Variants in NDFIP2 observed in about 807,000 individuals in gnomAD.
The protein encoded by NDFIP2 is NEDD4 family-interacting protein 2.
NDFIP2 carries 19 observed loss-of-function variants against 36.0 expected under a neutral mutation model. The observed-to-expected ratio is 0.53, with a 90% CI of 0.37 to 0.77. The LOEUF (loss-of-function observed/expected upper bound fraction) is 0.77, where lower values mean the gene tolerates loss of function less well. Ranked by LOEUF, NDFIP2 falls within the 30% of genes least tolerant of loss-of-function variation. NDFIP2 has a pLI of 0.00. For synonymous variants in NDFIP2, 181 were observed against 167.7 expected, an observed-to-expected ratio of 1.08 and a Z score of -0.61; for missense variants, 446 against 435.8, an observed-to-expected ratio of 1.02 and a Z score of -0.21.
intron 1 of NDFIP2, among the ~76,000 whole-genome samples, chr13:79,513,619 C>T (rs1441754037): frequency 1.3e-5 from 2 of 151,996 alleles, no homozygotes; most frequent in African/African-American, 4.8e-5. Flanking sequence ...GAGCAGCGTC[C>T]TGGAAGATAG....
rs767268993 is a variant in NDFIP2 at position 79,481,471 on chromosome 13, C to A, written c.268C>A (p.Pro90Thr). 7 of 1,562,922 alleles carry A rather than the reference C, an allele frequency of 4.5e-6. 1 individual carries two copies. In the South Asian group the frequency reaches 7.1e-5, roughly 16 times the overall value. The change falls in exon 1 of 8, where the codon CCC becomes ACC. Residue 90 changes from proline to threonine, a missense_variant. Pro to Thr is a conservative substitution (Grantham distance 38, BLOSUM62 -1). Coordinates refer to ENST00000218652, the MANE Select transcript of NDFIP2 (RefSeq NM_019080.3). ...AGACTCCCTCTCTCGGAAGCCGGAT[C>A]CCGAGCCGGGCAGGATGGATCACCA... ...GEDSLSRKPD[P>T]EPGRMDHHQP...
At chr13:79,498,854 A>G (rs572007855) in intron 1 of NDFIP2, among the ~76,000 whole-genome samples, 3 of 152,030 alleles carry the variant, frequency 2.0e-5, no homozygotes, top group African/African-American at 7.2e-5. Context: ...ATTTAAGGAA[A>G]AAATTATTTC....
At chr13:79,542,603 A>G (rs1875501600) in intron 4 of NDFIP2, among the ~76,000 whole-genome samples, 2 of 150,224 alleles carry the variant, frequency 1.3e-5, no homozygotes, top group Non-Finnish European at 2.9e-5. Context: ...AAGCATCTTT[A>G]TTCAGTTTAT....
chr13:79,528,826 T>C (rs1381114513), intron 2 of NDFIP2, among the ~76,000 whole-genome samples: 1 of 152,210 alleles, frequency 6.6e-6, no homozygotes, highest in Non-Finnish European at 1.5e-5. Flanking sequence ...TCTAGGTTTA[T>C]ATAAGTACAC....
chr13:79,534,761 T>C (rs1004710454), intron 3 of NDFIP2, among the ~76,000 whole-genome samples: 1 of 152,146 alleles, frequency 6.6e-6, no homozygotes, highest in Admixed American at 6.6e-5. Flanking sequence ...TGCTTCCATG[T>C]ATGGCATTCT....
At chr13:79,547,158 A>G (rs1875717265) in intron 5 of NDFIP2, among the ~76,000 whole-genome samples, 2 of 152,152 alleles carry the variant, frequency 1.3e-5, no homozygotes, top group South Asian at 4.1e-4. Flanking sequence ...TTAAAAGGCT[A>G]TAAAAAACAG....
At chr13:79,520,316 A>G (rs946624204) in intron 1 of NDFIP2, among the ~76,000 whole-genome samples, 1 of 152,136 alleles carries the variant, frequency 6.6e-6, no homozygotes, top group Admixed American at 6.6e-5. Flanking sequence ...TCTTTGTAGT[A>G]TGTAATAACT....
intron 1 of NDFIP2, among the ~76,000 whole-genome samples, chr13:79,510,076 A>G (rs961682330): frequency 3.3e-5 from 5 of 152,186 alleles, no homozygotes; most frequent in African/African-American, 4.8e-5. Context: ...ATTAACTATC[A>G]CAGGAGTCCA....
rs1165725844 is a variant in NDFIP2, at chr13:79,541,072, C to CA, written c.715+1303dup. ...TAACAAACTTCTCACAGTTTGTTTA[C>CA]AAAAAAGAGTAGCTTAAACATTCAT... On this transcript the variant is annotated intron_variant, in intron 4 of 7. Transcript: ENST00000218652. Among the ~76,000 whole-genome samples, 14 of 151,826 alleles carry CA rather than the reference C, an allele frequency of 9.2e-5. No individual in the cohort carries two copies. The East Asian group carries it at 2.7e-3, about 29-fold the overall frequency.
At chr13:79,540,368 A>T (rs1180678137) in intron 4 of NDFIP2, among the ~76,000 whole-genome samples, 1 of 152,190 alleles carries the variant, frequency 6.6e-6, no homozygotes. Context: ...ACTGTGTCAA[A>T]GTCTTCATTA....
At chr13:79,499,258 A>G (rs1055399553) in intron 1 of NDFIP2, among the ~76,000 whole-genome samples, 2 of 151,984 alleles carry the variant, frequency 1.3e-5, no homozygotes, top group Non-Finnish European at 2.9e-5. Flanking sequence ...AAAAGCCTAT[A>G]TCAAACGTCA....
chr13:79,539,754 A>C lies in NDFIP2; in HGVS notation c.694A>C (p.Ile232Leu). 1.2e-6 allele frequency: 2 copies of C among 1,613,710 alleles called. No homozygotes were observed. The highest frequency in any genetic ancestry group is 1.7e-6 in the Non-Finnish European group (2 of 1,179,774). Residue 232 changes from isoleucine (I) to leucine (L), a missense_variant, in exon 4 of 8, where the codon ATT (isoleucine) becomes CTT (leucine). By Grantham distance (5) the Ile-to-Leu change is conservative. Transcript: ENST00000218652. ...CCAGCTCAGAGTGGGGAATGATGGC[A>C]TTTTCATGCTGGCATTTTTCAGTAA... ...ADQLRVGNDG[I>L]FMLAFFMAFI...
chr13:79,519,838 A>G (rs186313494), intron 1 of NDFIP2, among the ~76,000 whole-genome samples: 2 of 152,238 alleles, frequency 1.3e-5, no homozygotes, highest in East Asian at 1.9e-4. Context: ...CACTTTGACA[A>G]TGTCAAGGCT....
chr13:79,491,227 T>C (rs1335091486), intron 1 of NDFIP2, among the ~76,000 whole-genome samples: 1 of 152,230 alleles, frequency 6.6e-6, no homozygotes, highest in African/African-American at 2.4e-5. Flanking sequence ...CTTTCAGTAT[T>C]TGATAAAGAT....
intron 1 of NDFIP2, among the ~76,000 whole-genome samples, chr13:79,509,842 A>G (rs1874014454): frequency 6.6e-6 from 1 of 152,166 alleles, no homozygotes; most frequent in Admixed American, 6.5e-5. Flanking sequence ...AGCATCCAGC[A>G]CAGGAAAAAG....
intron 1 of NDFIP2, among the ~76,000 whole-genome samples, chr13:79,504,777 T>G (rs1049114718): frequency 6.6e-6 from 1 of 152,200 alleles, no homozygotes; most frequent in Non-Finnish European, 1.5e-5. Flanking sequence ...ACTTTAGTGG[T>G]TGTCAAATGG....
chr13:79,537,494 T>G (rs557672895), intron 3 of NDFIP2, among the ~76,000 whole-genome samples: 44 of 152,344 alleles, frequency 2.9e-4, no homozygotes, highest in African/African-American at 1.0e-3. Context: ...TGCTTTAATG[T>G]TTATTTCTTG....
intron 1 of NDFIP2, among the ~76,000 whole-genome samples, chr13:79,490,144 G>A (rs1156391413): frequency 6.6e-6 from 1 of 152,136 alleles, no homozygotes; most frequent in Non-Finnish European, 1.5e-5. Flanking sequence ...TTCCCTAGTT[G>A]TAGGGTGAGG....
intron 2 of NDFIP2, among the ~76,000 whole-genome samples, chr13:79,521,537 T>C (rs2137087175): frequency 6.6e-6 from 1 of 152,242 alleles, no homozygotes; most frequent in African/African-American, 2.4e-5. Flanking sequence ...TATATACTCA[T>C]TATGAAACAT....
Sources: allele counts gnomAD v4.1 joint callset (sites outside exome capture counted in the v4.1 genomes callset), GRCh38; gene constraint gnomAD v4.1.1; transcripts MANE v1.5; gene names NCBI Gene and HGNC (gene_info 2026-07-23, HGNC 2026-07-21).